GLB1: variants seen among roughly 807,000 people sequenced by gnomAD.
The protein encoded by GLB1 is galactosidase beta 1.
Under a neutral mutation model 74.0 loss-of-function variants are expected in GLB1, and 56 were observed. The observed-to-expected ratio is 0.76, with a 90% CI of 0.61 to 0.94. GLB1 has a LOEUF of 0.94. Among genes scored for constraint, GLB1 ranks in the 40% least tolerant of loss-of-function variants. The probability of loss-of-function intolerance (pLI) is 0.00; values close to 1 mark genes in which losing one functional copy is unlikely to be tolerated. For synonymous variants in GLB1, 323 were observed against 323.6 expected (o/e 1.00, Z 0.02); for missense variants, 787 against 845.5 (o/e 0.93, Z 0.86).
intron 1 of GLB1, among the ~76,000 whole-genome samples, chr3:33,083,157 G>A (rs1700381406): frequency 6.6e-6 from 1 of 152,140 alleles, no homozygotes; most frequent in African/African-American, 2.4e-5. Context: ...CAGCACTTTG[G>A]GAGGCCGAGG....
At chr3:32,964,383 G>C in the GLB1 span, among the ~76,000 whole-genome samples, 1 of 152,118 alleles carries the variant, frequency 6.6e-6, no homozygotes, top group Admixed American at 6.5e-5. Context: ...GTGGACAAAG[G>C]GTAAATATAT....
intron 9 of GLB1, among the ~76,000 whole-genome samples, chr3:33,049,158 G>A (rs1001769284): frequency 2.0e-5 from 3 of 152,000 alleles, no homozygotes; most frequent in Admixed American, 6.5e-5. Context: ...GATTGGTCCC[G>A]ATCCCATCAA....
intron 1 of GLB1, 88 bp from the exon 2 acceptor site, chr3:33,072,801 C>T: frequency 6.4e-7 from 1 of 1,563,000 alleles, no homozygotes; most frequent in East Asian, 2.3e-5. Context: ...GACTCTCTGC[C>T]TATTGAATTT....
At chr3:33,058,001 A>G (rs1699288101) in intron 6 of GLB1, 88 bp downstream of exon 6, 20 of 1,538,692 alleles carry the variant, frequency 1.3e-5, no homozygotes, top group Non-Finnish European at 1.7e-5. Context: ...CAATCTGCCC[A>G]TGACACTTAT....
chr3:33,068,151 T>C, intron 4 of GLB1, 79 bp downstream of exon 4: 1 of 1,601,068 alleles, frequency 6.2e-7, no homozygotes, highest in Non-Finnish European at 8.5e-7. Context: ...CCTCCCAAAG[T>C]GTCAGGATTA....
rs763115718 is a variant in GLB1 at position 33,072,707 on chromosome 3, T to G, written c.82A>C (p.Thr28Pro). 11 of 1,614,142 alleles carry G rather than the reference T, an allele frequency of 6.8e-6. No individual in the cohort carries two copies. The highest frequency in any genetic ancestry group is 1.3e-5 in the African/African-American group (1 of 75,052). ...LGPTRGLRNA[T>P]QRMFEIDYSR... ...TAGTCAATTTCAAACATCCTCTGGG[T>G]GGCATTCTACAGAGCAAGGATGGGG... Residue 28 changes from threonine (T) to proline (P), a missense_variant, in exon 2 of 16, where the codon ACC becomes CCC. Thr to Pro is a conservative substitution (Grantham distance 38). Coordinates refer to ENST00000307363, the MANE Select transcript of GLB1 (RefSeq NM_000404.4).
the GLB1 span, among the ~76,000 whole-genome samples, chr3:32,982,112 G>A: frequency 1.3e-5 from 2 of 152,078 alleles, no homozygotes; most frequent in African/African-American, 2.4e-5. Flanking sequence ...TTGGGAGTTT[G>A]AGACCAGCTT....
At chr3:32,992,657 TC>T (rs149032042), downstream of GLB1, among the ~76,000 whole-genome samples, 5,091 of 152,280 alleles carry the variant, frequency 0.033, 160 homozygotes, top group East Asian at 0.075. Flanking sequence ...TGGGTTTCTG[TC>T]CTCAAAGCCT....
the GLB1 span, among the ~76,000 whole-genome samples, chr3:32,990,582 G>T: frequency 6.6e-6 from 1 of 152,242 alleles, no homozygotes; most frequent in South Asian, 2.1e-4. Flanking sequence ...TGAAACCTTG[G>T]GGACTCCTCA....
intron 15 of GLB1, among the ~76,000 whole-genome samples, chr3:33,002,351 T>C (rs113939062): frequency 0.054 from 1,297 of 24,086 alleles, 19 homozygotes; most frequent in African/African-American, 0.068. Flanking sequence ...CTCCCTCCCT[T>C]CCTTCCTTCC....
At chr3:33,007,848 T>C (rs1396931111) in intron 15 of GLB1, among the ~76,000 whole-genome samples, 1 of 152,170 alleles carries the variant, frequency 6.6e-6, no homozygotes, top group African/African-American at 2.4e-5. Context: ...GAGTATGAGT[T>C]CCTCACCGGT....
At chr3:33,061,016 G>A (rs963848636) in intron 5 of GLB1, among the ~76,000 whole-genome samples, 9 of 152,164 alleles carry the variant, frequency 5.9e-5, no homozygotes, top group African/African-American at 2.2e-4. Flanking sequence ...GGGGGTAGGT[G>A]AGACACACAA....
At chr3:33,022,564 A>ATTTTTTTGTTTTTTTTTTTTTTTT (rs1697540142) in intron 11 of GLB1, among the ~76,000 whole-genome samples, 2 of 63,746 alleles carry the variant, frequency 3.1e-5, no homozygotes, top group South Asian at 1.1e-3. Context: ...ACTGGTTAGG[A>ATTTTTTTGTTTTTTTTTTTTTTTT]TTTTTTTTTT....
chr3:33,077,229 G>T (rs756518384), intron 1 of GLB1: 2 of 1,547,052 alleles, frequency 1.3e-6, no homozygotes, highest in South Asian at 2.2e-5. Context: ...CCCAAGGAAG[G>T]AATCGAGACT....
chr3:33,039,046 C>T (rs1698398311), intron 10 of GLB1, among the ~76,000 whole-genome samples: 1 of 152,086 alleles, frequency 6.6e-6, no homozygotes, highest in East Asian at 1.9e-4. Context: ...AAGCCCAGCA[C>T]TTTGGGAGGC....
intron 5 of GLB1, among the ~76,000 whole-genome samples, chr3:33,059,821 C>T (rs1030757810): frequency 1.3e-5 from 2 of 152,066 alleles, no homozygotes; most frequent in African/African-American, 4.8e-5. Context: ...TAAAAAATAC[C>T]CAACCATAAC....
rs888553891 is a variant in GLB1, at chr3:33,034,417, T to A, written c.1069-10092A>T. The A allele has an allele frequency of 5.4e-6, 4 of 741,772 alleles. No individual in the cohort carries two copies. In the African/African-American group the frequency reaches 6.9e-5, roughly 13 times the overall value. The allele number at this position is 741,772 out of a possible 1,614,324, so 45.9% of individuals were successfully genotyped here. On this transcript the variant is annotated intron_variant, in intron 10 of 15. Transcript: ENST00000307363. ...ATTACATCAAGAAGTTTCCATCAGG[T>A]GGCTGTGACAACCTCTTCAAGGATG...
rs748176346 is a variant in GLB1, at chr3:33,014,272, G to C, written c.1518C>G (p.Leu506=). 1 of 1,614,168 alleles carries C rather than the reference G, an allele frequency of 6.2e-7. No individual in the cohort carries two copies. The highest frequency in any genetic ancestry group is 2.2e-5 in the East Asian group (1 of 44,886). The change falls in exon 15 of 16, where the codon CTC becomes CTG. Residue 506 remains leucine, a synonymous_variant. Coordinates refer to ENST00000307363, the MANE Select transcript of GLB1 (RefSeq NM_000404.4). ...CCAGTGGAAAGATCGTCCAGTCCGT[G>C]AGGATATTGGAACTGAGAGTCAGGT... The part of the protein sequence containing the change: ...VSNLTLSSNI[L]TDWTIFPLDT...
At chr3:32,981,179 C>T in the GLB1 span, among the ~76,000 whole-genome samples, 2 of 143,512 alleles carry the variant, frequency 1.4e-5, no homozygotes. Flanking sequence ...CAGAGATGGG[C>T]GGATCATGAG....
Sources: allele counts gnomAD v4.1 joint callset (sites outside exome capture counted in the v4.1 genomes callset), GRCh38; gene constraint gnomAD v4.1.1; transcripts MANE v1.5; gene names NCBI Gene and HGNC (gene_info 2026-07-23, HGNC 2026-07-21).